ITPKC: variants seen among roughly 807,000 people sequenced by gnomAD.
ITPKC encodes the protein inositol-trisphosphate 3-kinase C.
ITPKC carries 33 observed loss-of-function variants against 67.1 expected under a neutral mutation model. The ratio of observed to expected loss-of-function variants is 0.49; its 90% CI spans 0.37 to 0.66. The LOEUF (loss-of-function observed/expected upper bound fraction) is 0.66. ITPKC is among the 30% of genes least tolerant of loss of function. The pLI, the probability that ITPKC is intolerant of heterozygous loss-of-function variation, is 0.00. For synonymous variants in ITPKC, 341 were observed against 359.8 expected (o/e 0.95, Z 0.59); for missense variants, 820 against 892.1 (o/e 0.92, Z 1.03).
intron 6 of ITPKC, among the ~76,000 whole-genome samples, chr19:40,738,197 G>C (rs1321059054): frequency 6.6e-6 from 1 of 152,150 alleles, no homozygotes. Flanking sequence ...GGGAGGCCGA[G>C]GTGAGCAGAT....
Position 40,717,669 on chromosome 19 carries a change from G to C in ITPKC, c.534G>C (p.Thr178=). The C allele has an allele frequency of 6.2e-7, 1 of 1,614,070 alleles. No individual in the cohort carries two copies. The highest frequency in any genetic ancestry group is 1.1e-5 in the South Asian group (1 of 91,078). Residue 178 remains threonine, a synonymous_variant, in exon 1 of 7, where the codon ACG becomes ACC. Coordinates refer to ENST00000263370, the MANE Select transcript of ITPKC (RefSeq NM_025194.3). ...ATGGGCCCTGGACAGAGCTGGAAAC[G>C]CATGGGTCACAGACTCAGCCAGAGA... is the stretch of plus-strand genomic sequence containing the variant. The part of the protein sequence containing the change: ...GVHGPWTELE[T]HGSQTQPERV...
At chr19:40,730,680 T>A (rs2082266785) in intron 3 of ITPKC, among the ~76,000 whole-genome samples, 1 of 152,156 alleles carries the variant, frequency 6.6e-6, no homozygotes, top group Admixed American at 6.6e-5. Flanking sequence ...TCCTCCTTCT[T>A]CTGCCCCCTG....
rs200330367 is a variant in ITPKC, at chr19:40,739,564, G to A, written c.*4G>A. 9.3e-6 allele frequency: 15 copies of A among 1,610,884 alleles called. No homozygotes were observed. The East Asian group carries it at 3.1e-4, about 34-fold the overall frequency. ...GCAGGGGCTGGCACAGAGCTGAGCT[G>A]CTCAGCCACCATCAGGTTAATTGGA... is the stretch of plus-strand genomic sequence containing the variant. On this transcript the variant is annotated 3_prime_UTR_variant, in exon 7 of 7. Coordinates refer to ENST00000263370, the MANE Select transcript of ITPKC (RefSeq NM_025194.3).
At chr19:40,723,706 AGGCT>A (rs1408784188) in intron 1 of ITPKC, among the ~76,000 whole-genome samples, 1 of 152,086 alleles carries the variant, frequency 6.6e-6, no homozygotes, top group African/African-American at 2.4e-5. Flanking sequence ...CATGTTGGCC[AGGCT>A]GGTCTCAAAC....
At chr19:40,726,165 C>T (rs537037186) in intron 2 of ITPKC, among the ~76,000 whole-genome samples, 30 of 151,930 alleles carry the variant, frequency 2.0e-4, no homozygotes, top group African/African-American at 6.5e-4. Flanking sequence ...CACTTGAACC[C>T]GGGAGGTGAA....
At chr19:40,731,718 A>G (rs1016834511) in intron 3 of ITPKC, among the ~76,000 whole-genome samples, 1 of 145,742 alleles carries the variant, frequency 6.9e-6, no homozygotes, top group Non-Finnish European at 1.5e-5. Context: ...GTGAGCCACC[A>G]TGCCCAGCCT....
chr19:40,725,266 C>G, intron 1 of ITPKC, 74 bp from the exon 2 acceptor site: 1 of 942,450 alleles, frequency 1.1e-6, no homozygotes, highest in South Asian at 1.4e-5. Context: ...CTTTCGTTCC[C>G]TCTCATGGCA....
At chr19:40,730,189 G>A (rs1199892518) in intron 3 of ITPKC, among the ~76,000 whole-genome samples, 1 of 152,066 alleles carries the variant, frequency 6.6e-6, no homozygotes, top group Admixed American at 6.5e-5. Context: ...CACCCACTAC[G>A]GCCTCCCAGA....
At position 40,718,130 on chromosome 19, in the gene ITPKC, T is replaced by C; in HGVS notation, c.995T>C (p.Ile332Thr). The C allele has an allele frequency of 6.2e-7, 1 of 1,610,576 alleles. No homozygotes were observed. The highest frequency in any genetic ancestry group is 8.5e-7 in the Non-Finnish European group (1 of 1,179,026). Residue 332 changes from isoleucine (I) to threonine (T), a missense_variant, in exon 1 of 7, where the codon ATT (isoleucine) becomes ACT (threonine). Around this residue, in one of 2 missense-constraint regions of ITPKC, gnomAD observed 481 missense variants for 470.1 expected, o/e 1.02. Transcript: ENST00000263370. ...CTGTGCCCTGTGCCCCGCCTCATCA[T>C]TACCCCTGAGACCCCTGAGCCTGAG... is the stretch of plus-strand genomic sequence containing the variant. ...SPLCPVPRLIITPETPEPEAQ... is the reference protein window; with the variant it reads ...SPLCPVPRLITTPETPEPEAQ...
In ITPKC at chr19:40,718,101, C is replaced by T. The variant is rs1599645411; in HGVS notation, c.966C>T (p.Ser322=). ...ACCTGTACTCTCACCTGAAGTGTAG[C>T]CCCCTGTGCCCTGTGCCCCGCCTCA... ...LTHLYSHLKC[S]PLCPVPRLII... is the part of the protein sequence containing the mutation. Residue 322 remains serine, a synonymous_variant, in exon 1 of 7, where the codon AGC becomes AGT. Coordinates refer to ENST00000263370, the MANE Select transcript of ITPKC (RefSeq NM_025194.3). 3 of 1,613,304 alleles carry T rather than the reference C, an allele frequency of 1.9e-6. No individual in the cohort carries two copies. The East Asian group carries it at 6.7e-5, about 36-fold the overall frequency.
chr19:40,733,952 TA>T (rs2082283234), intron 4 of ITPKC, among the ~76,000 whole-genome samples: 3 of 152,138 alleles, frequency 2.0e-5, no homozygotes, highest in South Asian at 2.1e-4. Flanking sequence ...AATAATATTA[TA>T]AAAGGGTAAA....
chr19:40,719,299 T>C (rs2082209946), intron 1 of ITPKC, among the ~76,000 whole-genome samples: 1 of 152,082 alleles, frequency 6.6e-6, no homozygotes, highest in Admixed American at 6.6e-5. Context: ...CTGGGCCCCA[T>C]TGCTTTTTTC....
intron 2 of ITPKC, among the ~76,000 whole-genome samples, chr19:40,727,573 T>C (rs1276672932): frequency 6.6e-6 from 1 of 152,136 alleles, no homozygotes; most frequent in Admixed American, 6.6e-5. Context: ...TTTTGGAGGT[T>C]CATTCACTTG....
intron 4 of ITPKC, among the ~76,000 whole-genome samples, chr19:40,733,907 T>G (rs1412538435): frequency 2.0e-5 from 3 of 152,066 alleles, no homozygotes; most frequent in African/African-American, 7.2e-5. Flanking sequence ...AAAAAAAAAT[T>G]GTTTGAATAG....
intron 6 of ITPKC, among the ~76,000 whole-genome samples, chr19:40,738,301 C>T (rs1232718233): frequency 6.6e-6 from 1 of 151,710 alleles, no homozygotes; most frequent in African/African-American, 2.4e-5. Flanking sequence ...TGGTGGCGGG[C>T]GCCTGTAGTC....
At chr19:40,720,446 G>A (rs1205375507) in intron 1 of ITPKC, among the ~76,000 whole-genome samples, 1 of 151,980 alleles carries the variant, frequency 6.6e-6, no homozygotes, top group South Asian at 2.1e-4. Flanking sequence ...GGTTGGCCAC[G>A]TCAAGTCAGA....
chr19:40,722,036 C>T (rs2082225134), intron 1 of ITPKC, among the ~76,000 whole-genome samples: 1 of 151,816 alleles, frequency 6.6e-6, no homozygotes, highest in African/African-American at 2.4e-5. Context: ...AAAATCCCAA[C>T]TAACATTCTT....
rs762532807 is a variant in ITPKC at position 40,737,822 on chromosome 19, A to G, written c.1848+53A>G. The G allele has an allele frequency of 1.0e-5, 15 of 1,443,874 alleles. No homozygotes were observed. In the Admixed American group the frequency reaches 1.7e-4, roughly 16 times the overall value. 89.4% of individuals were successfully genotyped at this position (1,443,874 alleles called of 1,614,324 possible). A position where few individuals can be genotyped will look rare whatever the true frequency, so the allele number is the denominator to read the frequency against. ...TGTATGGGTGTCGGGGTCCAGGTGC[A>G]TGGAGGGGAAACCATTGATGAGTTA... On this transcript the variant is annotated intron_variant, in intron 6 of 6. Coordinates refer to ENST00000263370, the MANE Select transcript of ITPKC (RefSeq NM_025194.3).
At chr19:40,729,673 A>G (rs2082261890) in intron 3 of ITPKC, among the ~76,000 whole-genome samples, 1 of 152,144 alleles carries the variant, frequency 6.6e-6, no homozygotes, top group Admixed American at 6.6e-5. Flanking sequence ...AGGCTGAGGC[A>G]GGAGAATTGC....
Sources: allele counts gnomAD v4.1 joint callset (sites outside exome capture counted in the v4.1 genomes callset), GRCh38; gene constraint gnomAD v4.1.1; regional missense constraint gnomAD v4.1.1; transcripts MANE v1.5; gene names NCBI Gene and HGNC (gene_info 2026-07-23, HGNC 2026-07-21).